VPS13D: variants seen among roughly 807,000 people sequenced by gnomAD.
The protein encoded by VPS13D is intermembrane lipid transfer protein VPS13D.
Under a neutral mutation model 461.9 loss-of-function variants are expected in VPS13D, and 187 were observed. That is an observed-to-expected ratio of 0.40 (90% confidence interval 0.36 to 0.46). VPS13D has a LOEUF of 0.46. VPS13D is among the 20% of genes least tolerant of loss of function. The probability of loss-of-function intolerance (pLI) is 0.60; values close to 1 mark genes in which losing one functional copy is unlikely to be tolerated. For synonymous variants in VPS13D, 1,951 were observed against 1,986.3 expected (o/e 0.98, Z 0.47); for missense variants, 4,711 against 5,364.9 (o/e 0.88, Z 3.81).
intron 24 of VPS13D, among the ~76,000 whole-genome samples, chr1:12,295,216 A>G (rs1052897969): frequency 1.5e-5 from 2 of 135,458 alleles, no homozygotes; most frequent in Non-Finnish European, 3.1e-5. Flanking sequence ...CAGAGCCACC[A>G]TGACTCAAAA....
In VPS13D at chr1:12,416,760, T is replaced by G; in HGVS notation, c.12266T>G (p.Ile4089Arg). Reference protein sequence around the residue: ...NDVSEGVTGLIKYGNVGGLIR... With the variant: ...NDVSEGVTGLRKYGNVGGLIR... ...GTTTCTGAAGGGGTTACTGGACTGA[T>G]AAAATATGGAAATGTCGGGGGCCTC... The change falls in exon 65 of 70, where the codon ATA becomes AGA. Residue 4089 changes from isoleucine (I) to arginine (R), a missense_variant. Transcript: ENST00000620676. 6.2e-7 allele frequency: 1 copy of G among 1,614,028 alleles called. No individual in the cohort carries two copies. Among genetic ancestry groups the G allele is most frequent in the Non-Finnish European group, 8.5e-7 (1 of 1,179,992 alleles).
At chr1:12,245,291 G>C (rs950216749) in intron 5 of VPS13D, among the ~76,000 whole-genome samples, 3 of 152,196 alleles carry the variant, frequency 2.0e-5, no homozygotes, top group African/African-American at 7.2e-5. Context: ...GTGCCAATGT[G>C]ACAGAGGCCA....
chr1:12,438,955 C>T (rs1382474394), intron 65 of VPS13D, among the ~76,000 whole-genome samples: 2 of 152,126 alleles, frequency 1.3e-5, no homozygotes, highest in Non-Finnish European at 2.9e-5. Context: ...CAGCAGATCC[C>T]GAATCTGAAC....
At chr1:12,390,862 G>A (rs915805256) in intron 60 of VPS13D, among the ~76,000 whole-genome samples, 3 of 152,190 alleles carry the variant, frequency 2.0e-5, no homozygotes, top group African/African-American at 7.2e-5. Context: ...CCCAGTGGGC[G>A]ATGGCAGGAG....
At chr1:12,412,541 C>G (rs552659093) in intron 63 of VPS13D, among the ~76,000 whole-genome samples, 1 of 152,150 alleles carries the variant, frequency 6.6e-6, no homozygotes, top group African/African-American at 2.4e-5. Flanking sequence ...TGCCATACTG[C>G]GGTAGTGGAA....
chr1:12,266,854 A>G, intron 13 of VPS13D, 27 bp from the exon 14 acceptor site: 1 of 1,522,632 alleles, frequency 6.6e-7, no homozygotes, highest in Non-Finnish European at 8.8e-7. Flanking sequence ...TAAGCATTGT[A>G]TCAACTATTT....
intron 39 of VPS13D, 157 bp downstream of exon 39, chr1:12,335,984 A>C (rs1356737869): frequency 5.5e-6 from 6 of 1,098,256 alleles, no homozygotes; most frequent in African/African-American, 1.6e-5. Flanking sequence ...TGCAGGAGAC[A>C]GTTTTCTGGC....
At chr1:12,268,999 A>T in intron 16 of VPS13D, 123 bp downstream of exon 16, 1 of 1,115,066 alleles carries the variant, frequency 9.0e-7, no homozygotes, top group Middle Eastern at 2.8e-4. Flanking sequence ...CTGCAGAGTA[A>T]GTCAATAGGG....
In VPS13D at chr1:12,279,585, A is replaced by C. The variant is rs150031009; in HGVS notation, c.4537A>C (p.Ser1513Arg). The C allele has an allele frequency of 3.7e-5, 60 of 1,613,534 alleles. No homozygotes were observed. Among genetic ancestry groups the C allele is most frequent in the Non-Finnish European group, 4.7e-5 (56 of 1,179,656 alleles). Residue 1513 changes from serine (S) to arginine (R), a missense_variant, in exon 20 of 70, where the codon AGC (serine) becomes CGC (arginine). This residue lies in a region of VPS13D where 4,411 missense variants were observed against 4,937.8 expected (regional missense o/e 0.89). Coordinates refer to ENST00000620676, the MANE Select transcript of VPS13D (RefSeq NM_015378.4). The surrounding 1 kb of genome is among the most constrained non-coding windows in gnomAD (Gnocchi z 4.3). ...ERESELTFSL[S>R]PDDLGTSSIM... Reference sequence around the variant, plus strand: ...AGAATCTGAATTGACTTTTTCTCTTAGCCCAGATGACCTGGGAACTTCTAG... The same window carrying C: ...AGAATCTGAATTGACTTTTTCTCTTCGCCCAGATGACCTGGGAACTTCTAG...
rs915471618 is a variant in VPS13D, at chr1:12,276,558, G to A, written c.2970G>A (p.Arg990=). Residue 990 remains arginine (R), a synonymous_variant, in exon 19 of 70, where the codon AGG becomes AGA. Transcript: ENST00000620676. This position sits in a 1 kb window ranked among gnomAD's most constrained non-coding sequence, Gnocchi z 4.5. ...VFGTNAHFVK[R]PYDAEVSLTV... ...GTACCAATGCTCACTTTGTGAAGAG[G>A]CCTTATGATGCTGAAGTCTCCCTAA... 6.8e-6 allele frequency: 11 copies of A among 1,614,062 alleles called. No homozygotes were observed. The highest frequency in any genetic ancestry group is 1.3e-5 in the African/African-American group (1 of 74,914).
At position 12,299,146 on chromosome 1, in the gene VPS13D, G is replaced by T; in HGVS notation, c.6034-56G>T. The T allele has an allele frequency of 1.3e-6, 2 of 1,485,804 alleles. No homozygotes were observed. The highest frequency in any genetic ancestry group is 2.9e-5 in the South Asian group (2 of 70,086). 92.0% of individuals were successfully genotyped at this position (1,485,804 alleles called of 1,614,324 possible). On this transcript the variant is annotated intron_variant, in intron 24 of 69. Transcript: ENST00000620676. The surrounding 1 kb of genome is among the most constrained non-coding windows in gnomAD (Gnocchi z 4.2). ...AACTTTTGGGAACCTGAGGTTATTT[G>T]GTGGTAAAATTAGGGAATTAATTAT...
intron 55 of VPS13D, among the ~76,000 whole-genome samples, chr1:12,375,689 C>G (rs977172340): frequency 6.6e-6 from 1 of 152,220 alleles, no homozygotes; most frequent in Admixed American, 6.5e-5. Flanking sequence ...CCCTGTCCTT[C>G]GCAGGAATGC....
At position 12,273,105 on chromosome 1, in the gene VPS13D, C is replaced by T. The variant is rs1489089287; in HGVS notation, c.2206C>T (p.Leu736=). The T allele has an allele frequency of 1.2e-5, 19 of 1,614,018 alleles. No homozygotes were observed. Among genetic ancestry groups the T allele is most frequent in the Non-Finnish European group, 1.6e-5 (19 of 1,179,982 alleles). ...GAATCCTGTGTTAGTTGTCGTGGAT[C>T]TAGGAAGAATGCTTTTGACGAACAC... The part of the protein sequence containing the change: ...FKNPVLVVVD[L]GRMLLTNTQD... Residue 736 remains leucine (L), a synonymous_variant, in exon 18 of 70, where the codon CTA becomes TTA. Transcript: ENST00000620676.
At chr1:12,319,069 A>T (rs1336687945) in intron 31 of VPS13D, among the ~76,000 whole-genome samples, 2 of 152,244 alleles carry the variant, frequency 1.3e-5, no homozygotes, top group African/African-American at 4.8e-5. Context: ...CTTTGTAAAC[A>T]ACCTTGTAAA....
In VPS13D at chr1:12,444,178, A is replaced by G. The variant is rs1645165390; in HGVS notation, c.12334-11820A>G. On this transcript the variant is annotated intron_variant, in intron 65 of 69. Coordinates refer to ENST00000620676, the MANE Select transcript of VPS13D (RefSeq NM_015378.4). ...TTTCTTTCACCTATATTTTTGAAAG[A>G]TATTTTTACTATGTTTATTCTTTCA... is the stretch of plus-strand genomic sequence containing the variant. Among the ~76,000 whole-genome samples the G allele has an allele frequency of 2.0e-5, 3 of 152,220 alleles. No homozygotes were observed. The South Asian group carries it at 6.2e-4, about 32-fold the overall frequency.
intron 32 of VPS13D, 119 bp downstream of exon 32, chr1:12,319,749 C>T (rs530791612): frequency 1.3e-4 from 180 of 1,432,768 alleles, no homozygotes; most frequent in Non-Finnish European, 1.6e-4. Context: ...TTGGAAGACC[C>T]TTGCCCTCTT....
At position 12,473,335 on chromosome 1, in the gene VPS13D, C is replaced by T. The variant is rs1645587407; in HGVS notation, c.12662+12939C>T. Among the ~76,000 whole-genome samples the T allele has an allele frequency of 6.6e-6, 1 of 152,154 alleles. No homozygotes were observed. The highest frequency in any genetic ancestry group is 1.5e-5 in the Non-Finnish European group (1 of 68,020). On this transcript the variant is annotated intron_variant, in intron 67 of 69. Coordinates refer to ENST00000620676, the MANE Select transcript of VPS13D (RefSeq NM_015378.4). The surrounding 1 kb of genome is among the most constrained non-coding windows in gnomAD (Gnocchi z 4.2). ...CTGAAAAAGAAATAGGAAGGGGCAACGTGGCAGTCAGTGTGAAAAGAAACC... is the reference window on the plus strand; with the variant it reads ...CTGAAAAAGAAATAGGAAGGGGCAATGTGGCAGTCAGTGTGAAAAGAAACC...
At position 12,341,809 on chromosome 1, in the gene VPS13D, C is replaced by A; in HGVS notation, c.8656C>A (p.Pro2886Thr). The change falls in exon 41 of 70, where the codon CCA becomes ACA. Residue 2886 changes from proline (P) to threonine (T), a missense_variant. Pro to Thr is a conservative substitution (Grantham distance 38). This residue lies in a region of VPS13D where 4,411 missense variants were observed against 4,937.8 expected (regional missense o/e 0.89). Transcript: ENST00000620676. ...GGTGAAAACCCCCAAGCGCCGGCAG[C>A]CATTTGTCCCCTTTGCTCTGAGGAA... ...AEVKTPKRRQPFVPFALRNHT... is the reference protein window; with the variant it reads ...AEVKTPKRRQTFVPFALRNHT... The A allele has an allele frequency of 6.2e-7, 1 of 1,613,974 alleles. No homozygotes were observed.
intron 65 of VPS13D, among the ~76,000 whole-genome samples, chr1:12,418,956 G>A (rs973128848): frequency 2.0e-4 from 30 of 152,278 alleles, no homozygotes; most frequent in African/African-American, 7.0e-4. Context: ...TTTCTCCAGG[G>A]TCTCCTGGCA....
Sources: gnomAD v4.1 joint callset for allele counts (sites outside exome capture counted in the v4.1 genomes callset) on GRCh38, gnomAD v4.1.1 for gene constraint, gnomAD v4.1.1 regional missense constraint, Gnocchi (gnomAD v3.1) non-coding constraint, MANE v1.5 for transcripts, NCBI Gene and HGNC (gene_info 2026-07-23, HGNC 2026-07-21) for gene names.